Variants in SLC6A12 observed in about 807,000 individuals in gnomAD.
SLC6A12 encodes the protein solute carrier family 6 member 12, also known as sodium- and chloride-dependent betaine transporter.
SLC6A12 carries 50 observed loss-of-function variants against 73.3 expected under a neutral mutation model. That is an observed-to-expected ratio of 0.68 (90% CI 0.54 to 0.86). SLC6A12 has a LOEUF of 0.86. Among genes scored for constraint, SLC6A12 ranks in the 40% least tolerant of loss-of-function variants. The pLI is 0.00. For missense variants in SLC6A12, 648 were observed against 772.8 expected (o/e 0.84, Z 1.92); for synonymous variants, 304 against 309.2 (o/e 0.98, Z 0.18).
At chr12:211,567 T>C (rs948483910) in intron 2 of SLC6A12, among the ~76,000 whole-genome samples, 3 of 152,132 alleles carry the variant, frequency 2.0e-5, no homozygotes, top group Non-Finnish European at 2.9e-5. Flanking sequence ...ATCAGACCCA[T>C]GGGGGCCTTG....
chr12:210,180 C>T (rs1318040981), intron 2 of SLC6A12, 137 bp from the exon 3 acceptor site: 58 of 1,236,258 alleles, frequency 4.7e-5, no homozygotes, highest in Non-Finnish European at 6.1e-5. Context: ...AGTTCCAGTT[C>T]GTTCTCGTAA....
Position 198,104 on chromosome 12 carries a change from T to G in SLC6A12, c.847-101A>C, listed in dbSNP as rs1940018060. The G allele has an allele frequency of 6.8e-6, 6 of 883,602 alleles. No individual in the cohort carries two copies. The highest frequency in any genetic ancestry group is 1.1e-5 in the Non-Finnish European group (6 of 543,998). 54.7% of individuals were successfully genotyped at this position (883,602 alleles called of 1,614,324 possible). On this transcript the variant is annotated intron_variant, in intron 8 of 15. Coordinates refer to ENST00000684302, the MANE Select transcript of SLC6A12 (RefSeq NM_001122848.3). This position sits in a 1 kb window ranked among gnomAD's most constrained non-coding sequence, Gnocchi z 4.0. ...TCCCCTGCAGCACCAGCCTGGCCCC[T>G]CAGTGCTCCCTGAGCGCTTCCCTCC...
In SLC6A12 at chr12:197,991, C is replaced by A; in HGVS notation, c.859G>T (p.Ala287Ser). 6.2e-7 allele frequency: 1 copy of A among 1,613,852 alleles called. No homozygotes were observed. The highest frequency in any genetic ancestry group is 8.5e-7 in the Non-Finnish European group (1 of 1,179,914). Residue 287 changes from alanine to serine, a missense_variant, in exon 9 of 16, where the codon GCG (alanine) becomes TCG (serine). Physicochemically the swap from Ala to Ser is moderately conservative, Grantham distance 99. Transcript: ENST00000684302. ...RLKDPQVWMDAGTQIFFSFAI... is the reference protein window; with the variant it reads ...RLKDPQVWMDSGTQIFFSFAI... ...AAGGAGAAGAAGATCTGGGTGCCCGCATCCATCCACACCTACACAAAACCC... is the reference window on the plus strand; with the variant it reads ...AAGGAGAAGAAGATCTGGGTGCCCGAATCCATCCACACCTACACAAAACCC...
intron 4 of SLC6A12, chr12:203,296 C>T (rs540648149): frequency 7.0e-5 from 11 of 156,926 alleles, no homozygotes; most frequent in Non-Finnish European, 1.4e-4. Flanking sequence ...TCTCGAACTC[C>T]CGGGCTCAGG....
At chr12:199,075 A>G in intron 7 of SLC6A12, 144 bp from the exon 8 acceptor site, 1 of 676,498 alleles carries the variant, frequency 1.5e-6, no homozygotes, top group East Asian at 2.9e-5. Context: ...GAAAGTTTCC[A>G]CACCTCCCTT....
At position 190,415 on chromosome 12, in the gene SLC6A12, A is replaced by G. The variant is rs1591774578; in HGVS notation, c.*653T>C. The G allele has an allele frequency of 1.3e-5, 2 of 152,406 alleles. No individual in the cohort carries two copies. Among genetic ancestry groups the G allele is most frequent in the East Asian group, 3.9e-4 (2 of 5,172 alleles). 9.4% of individuals were successfully genotyped at this position (152,406 alleles called of 1,614,324 possible). ...GGCATGCCGAGTGTTTGTGAAGTCT[A>G]GGAATCATCTCCCAAGCCCCTTCCA... On this transcript the variant is annotated 3_prime_UTR_variant, in exon 16 of 16. Transcript: ENST00000684302.
downstream of SLC6A12, among the ~76,000 whole-genome samples, chr12:187,688 G>A (rs1179994471): frequency 1.4e-5 from 2 of 143,532 alleles, no homozygotes; most frequent in African/African-American, 5.3e-5. Flanking sequence ...GTTACCACTA[G>A]GGCCTCCGGC....
At chr12:185,434 G>A (rs1939414749), downstream of SLC6A12, among the ~76,000 whole-genome samples, 1 of 152,230 alleles carries the variant, frequency 6.6e-6, no homozygotes, top group Non-Finnish European at 1.5e-5. Flanking sequence ...TCATGCTGGG[G>A]TGCAGTGTCA....
the SLC6A12 span, among the ~76,000 whole-genome samples, chr12:184,093 CA>C: frequency 7.3e-5 from 11 of 149,678 alleles, no homozygotes; most frequent in East Asian, 7.8e-4. Context: ...TACTGAATAA[CA>C]AAAAAAAATA....
rs116466002 is a variant in SLC6A12 at position 202,753 on chromosome 12, G to A, written c.477C>T (p.Asn159=). Reference sequence around the variant, plus strand: ...AATGATGGATACCTGTGTTCCAAAAGTTGTTGCAGGTCGTCCAGGGCAGCT... The same window carrying A: ...AATGATGGATACCTGTGTTCCAAAAATTGTTGCAGGTCGTCCAGGGCAGCT... ...TSELPWTTCN[N]FWNTEHCTDF... Residue 159 remains asparagine (N), a synonymous_variant, in exon 5 of 16, where the codon AAC becomes AAT. Coordinates refer to ENST00000684302, the MANE Select transcript of SLC6A12 (RefSeq NM_001122848.3). The A allele has an allele frequency of 5.3e-4, 852 of 1,613,630 alleles. 6 individuals are homozygous for A. In the African/African-American group the frequency reaches 0.01, roughly 19 times the overall value.
Position 196,800 on chromosome 12 carries a change from G to A in SLC6A12, c.1158C>T (p.Ile386=). The change falls in exon 11 of 16, where the codon ATC becomes ATT. Residue 386 remains isoleucine (I), a synonymous_variant. Transcript: ENST00000684302. ...LSQLWSCLFF[I]MLIFLGLDSQ... is the part of the protein sequence containing the mutation. ...TGTCCAGCCCTAGGAATATGAGCAT[G>A]ATAAAGAACAGGCAGGACCACAGCT... 3 of 1,613,680 alleles carry A rather than the reference G, an allele frequency of 1.9e-6. No homozygotes were observed. The highest frequency in any genetic ancestry group is 2.5e-6 in the Non-Finnish European group (3 of 1,179,716).
At chr12:199,947 G>A (rs1261818027) in intron 7 of SLC6A12, among the ~76,000 whole-genome samples, 1 of 152,072 alleles carries the variant, frequency 6.6e-6, no homozygotes, top group East Asian at 1.9e-4. Context: ...TCCTAATGAT[G>A]TCATAGCCAC....
intron 13 of SLC6A12, among the ~76,000 whole-genome samples, chr12:194,453 C>T (rs1939768169): frequency 6.6e-6 from 1 of 152,238 alleles, no homozygotes; most frequent in Non-Finnish European, 1.5e-5. Context: ...CCAAGCGGTG[C>T]AGTGGAGTCA....
intron 4 of SLC6A12, chr12:204,245 G>A (rs952364398): frequency 6.0e-6 from 2 of 334,394 alleles, no homozygotes; most frequent in South Asian, 3.7e-5. Flanking sequence ...TAGAGCCATA[G>A]GTAAGCCAAG....
intron 12 of SLC6A12, 46 bp from the exon 13 acceptor site, chr12:195,373 G>T: frequency 1.6e-6 from 2 of 1,240,894 alleles, no homozygotes; most frequent in South Asian, 1.2e-5. Flanking sequence ...GCAGAGCTGG[G>T]ACACACTCCA....
At chr12:191,280 A>G in intron 15 of SLC6A12, 69 bp from the exon 16 acceptor site, 1 of 1,235,412 alleles carries the variant, frequency 8.1e-7, no homozygotes, top group Non-Finnish European at 1.0e-6. Flanking sequence ...TCATGTGTGC[A>G]ACCCCAGGGC....
At chr12:211,050 G>A (rs1416856858) in intron 2 of SLC6A12, 1 of 152,160 alleles carries the variant, frequency 6.6e-6, no homozygotes, top group African/African-American at 2.4e-5. Context: ...ATCGCCCTGA[G>A]GCCACCTCTG....
intron 4 of SLC6A12, chr12:203,131 G>A: frequency 4.2e-6 from 1 of 238,354 alleles, no homozygotes; most frequent in Non-Finnish European, 7.4e-6. Context: ...CAGTGGCACA[G>A]TCTCGGCTCA....
At chr12:208,574 A>G (rs1303503800) in intron 3 of SLC6A12, among the ~76,000 whole-genome samples, 1 of 152,144 alleles carries the variant, frequency 6.6e-6, no homozygotes, top group Non-Finnish European at 1.5e-5. Flanking sequence ...CAAAAGGCCA[A>G]AAAAAATGAA....
Sources: allele counts gnomAD v4.1 joint callset (sites outside exome capture counted in the v4.1 genomes callset), GRCh38; gene constraint gnomAD v4.1.1; non-coding constraint Gnocchi (gnomAD v3.1); transcripts MANE v1.5; gene names NCBI Gene and HGNC (gene_info 2026-07-23, HGNC 2026-07-21).